SLC12A8: variants seen among roughly 807,000 people sequenced by gnomAD.
SLC12A8 encodes the protein cation-chloride cotransporter 9.
SLC12A8 carries 69 observed loss-of-function variants against 75.6 expected under a neutral mutation model. That is an observed-to-expected ratio of 0.91 (90% CI 0.75 to 1.11). The LOEUF (loss-of-function observed/expected upper bound fraction) is 1.11. Ranked by LOEUF, SLC12A8 falls within the 50% of genes most tolerant of loss-of-function variation. The pLI, the probability that SLC12A8 is intolerant of heterozygous loss-of-function variation, is 0.00. For synonymous variants in SLC12A8, 365 were observed against 372.8 expected, an observed-to-expected ratio of 0.98 and a Z score of 0.24; for missense variants, 877 against 896.7, an observed-to-expected ratio of 0.98 and a Z score of 0.28.
At chr3:125,150,896 T>C (rs922672886) in intron 5 of SLC12A8, among the ~76,000 whole-genome samples, 1 of 152,116 alleles carries the variant, frequency 6.6e-6, no homozygotes, top group African/African-American at 2.4e-5. Flanking sequence ...GACTTAAAAA[T>C]CATGATAAAA....
intron 5 of SLC12A8, among the ~76,000 whole-genome samples, chr3:125,151,898 T>A (rs1933934380): frequency 6.6e-6 from 1 of 152,228 alleles, no homozygotes; most frequent in Non-Finnish European, 1.5e-5. Context: ...ATTGAGGAAA[T>A]ACGTTTTATT....
chr3:125,125,900 T>C lies in SLC12A8; in HGVS notation c.737-5214A>G, dbSNP rs561800288. 1.3e-5 allele frequency: 13 copies of C among 982,222 alleles called. No individual in the cohort carries two copies. In the South Asian group the frequency reaches 3.3e-4, roughly 25 times the overall value. 60.8% of individuals were successfully genotyped at this position (982,222 alleles called of 1,614,324 possible). ...CCCACAAGAAGGCTGAGCTTATCAG[T>C]TATAATCGGCGCGATGCATTGGTTT... On this transcript the variant is annotated intron_variant, in intron 6 of 13. Transcript: ENST00000469902.
chr3:125,097,528 T>TTGTGTGTGTG (rs147038912), intron 10 of SLC12A8, among the ~76,000 whole-genome samples: 2 of 139,486 alleles, frequency 1.4e-5, no homozygotes, highest in African/African-American at 5.6e-5. Context: ...CTAAAGGGAA[T>TTGTGTGTGTG]TGTGTGTGTG....
At chr3:125,140,122 C>A (rs1457778978) in intron 5 of SLC12A8, among the ~76,000 whole-genome samples, 1 of 152,198 alleles carries the variant, frequency 6.6e-6, no homozygotes, top group East Asian at 1.9e-4. Flanking sequence ...ACAGTCCTTG[C>A]CAAGCAATGG....
At chr3:125,114,847 TC>T (rs1431038341) in intron 8 of SLC12A8, among the ~76,000 whole-genome samples, 1 of 152,262 alleles carries the variant, frequency 6.6e-6, no homozygotes, top group African/African-American at 2.4e-5. Flanking sequence ...AACATCTGTT[TC>T]CTGGACTGTA....
At chr3:125,090,169 A>G (rs1324128554) in intron 12 of SLC12A8, among the ~76,000 whole-genome samples, 1 of 152,214 alleles carries the variant, frequency 6.6e-6, no homozygotes, top group Non-Finnish European at 1.5e-5. Flanking sequence ...TTAGCCCTCC[A>G]AGTAGCTAAG....
rs753188240 is a variant in SLC12A8, at chr3:125,107,789, A to G, written c.1397T>C (p.Leu466Pro). ...LEFTKDMDQL[L>P]QLTRKLESSQ... ...ACTCTCAAGCTTCCTGGTTAGCTGGAGGAGCTGATCCATGTCCTTGGTGAA... is the reference window on the plus strand; with the variant it reads ...ACTCTCAAGCTTCCTGGTTAGCTGGGGGAGCTGATCCATGTCCTTGGTGAA... Residue 466 changes from leucine to proline, a missense_variant, in exon 10 of 14, where the codon CTC (leucine) becomes CCC (proline). Physicochemically the swap from Leu to Pro is moderately conservative, Grantham distance 98. Coordinates refer to ENST00000469902, the MANE Select transcript of SLC12A8 (RefSeq NM_024628.6). The G allele has an allele frequency of 3.7e-6, 6 of 1,613,890 alleles. No individual in the cohort carries two copies. The South Asian group carries it at 5.5e-5, about 15-fold the overall frequency.
chr3:125,150,896 T>A (rs922672886), intron 5 of SLC12A8, among the ~76,000 whole-genome samples: 23 of 152,116 alleles, frequency 1.5e-4, no homozygotes, highest in African/African-American at 5.1e-4. Flanking sequence ...GACTTAAAAA[T>A]CATGATAAAA....
intron 10 of SLC12A8, among the ~76,000 whole-genome samples, chr3:125,104,327 T>C (rs1315845601): frequency 6.6e-6 from 1 of 152,008 alleles, no homozygotes; most frequent in African/African-American, 2.4e-5. Flanking sequence ...CAGGCTGATC[T>C]TGAACTCCTG....
chr3:125,201,614 TA>T (rs1450299660), intron 2 of SLC12A8, among the ~76,000 whole-genome samples: 1 of 146,802 alleles, frequency 6.8e-6, no homozygotes, highest in Non-Finnish European at 1.5e-5. Flanking sequence ...CTCTACAAAA[TA>T]TTTTTAAAAT....
chr3:125,107,354 A>G, intron 10 of SLC12A8, 127 bp downstream of exon 10: 1 of 853,046 alleles, frequency 1.2e-6, no homozygotes, highest in East Asian at 2.4e-5. Flanking sequence ...ATGTTTTAAA[A>G]CAAATATTGC....
intron 10 of SLC12A8, among the ~76,000 whole-genome samples, chr3:125,105,015 T>G (rs1353279433): frequency 6.6e-6 from 1 of 152,088 alleles, no homozygotes; most frequent in Non-Finnish European, 1.5e-5. Flanking sequence ...TCACTATTAT[T>G]TTGCAATTTT....
At chr3:125,183,989 T>A (rs1290603903) in intron 4 of SLC12A8, among the ~76,000 whole-genome samples, 1 of 142,490 alleles carries the variant, frequency 7.0e-6, no homozygotes, top group Non-Finnish European at 1.5e-5. Flanking sequence ...TATTATTATT[T>A]TGAAATGGAG....
At chr3:125,209,740 G>T (rs1935299013) in intron 2 of SLC12A8, among the ~76,000 whole-genome samples, 1 of 152,248 alleles carries the variant, frequency 6.6e-6, no homozygotes, top group African/African-American at 2.4e-5. Context: ...AACAGAAGGG[G>T]TGAGTTAACC....
chr3:125,120,011 G>A, intron 7 of SLC12A8: 1 of 410,390 alleles, frequency 2.4e-6, no homozygotes, highest in South Asian at 1.8e-5. Context: ...GCCTGGGGGA[G>A]CTGGAGGGGA....
At chr3:125,091,122 G>A (rs575589739) in intron 12 of SLC12A8, among the ~76,000 whole-genome samples, 6 of 152,250 alleles carry the variant, frequency 3.9e-5, no homozygotes, top group Non-Finnish European at 8.8e-5. Context: ...ACCACAATCC[G>A]CCATCAAGTG....
chr3:125,089,574 T>G (rs1223083676), intron 12 of SLC12A8, among the ~76,000 whole-genome samples: 1 of 146,250 alleles, frequency 6.8e-6, no homozygotes. Flanking sequence ...TTCTTAACAT[T>G]ACTGTTTTCT....
chr3:125,163,080 G>C (rs566297319), intron 5 of SLC12A8, among the ~76,000 whole-genome samples: 1 of 152,196 alleles, frequency 6.6e-6, no homozygotes, highest in African/African-American at 2.4e-5. Context: ...AAGACAGGTG[G>C]ACTATTTGAG....
chr3:125,155,493 C>T (rs1186591346), intron 5 of SLC12A8, among the ~76,000 whole-genome samples: 1 of 151,978 alleles, frequency 6.6e-6, no homozygotes, highest in Non-Finnish European at 1.5e-5. Context: ...AAGTTTGAGC[C>T]GGGCGCGGTG....
Sources: gnomAD v4.1 joint callset for allele counts (sites outside exome capture counted in the v4.1 genomes callset) on GRCh38, gnomAD v4.1.1 for gene constraint, MANE v1.5 for transcripts, NCBI Gene and HGNC (gene_info 2026-07-23, HGNC 2026-07-21) for gene names.